The following OTOP1 variants were observed in gnomAD, a reference collection of about 807,000 sequenced individuals.
OTOP1 encodes the protein proton channel OTOP1.
OTOP1 carries 59 observed loss-of-function variants against 52.9 expected under a neutral mutation model. The observed-to-expected ratio is 1.12, with a 90% confidence interval of 0.91 to 1.39. OTOP1 has a LOEUF of 1.39. Ranked by LOEUF, OTOP1 falls within the 40% of genes most tolerant of loss-of-function variation. OTOP1 has a pLI of 0.00. For synonymous variants in OTOP1, 317 were observed against 337.7 expected, an observed-to-expected ratio of 0.94 and a Z score of 0.67; for missense variants, 761 against 800.9, an observed-to-expected ratio of 0.95 and a Z score of 0.60.
intron 1 of OTOP1, among the ~76,000 whole-genome samples, chr4:4,222,508 A>G (rs1436918908): frequency 6.6e-6 from 1 of 152,132 alleles, no homozygotes; most frequent in Non-Finnish European, 1.5e-5. Context: ...TTCCTTTCCA[A>G]TGAAAGCCAA....
intron 3 of OTOP1, among the ~76,000 whole-genome samples, chr4:4,204,712 CTGTGTGTGTGTGTGTGTGTG>C (rs10526016): frequency 2.2e-4 from 33 of 149,700 alleles, no homozygotes; most frequent in African/African-American, 3.2e-4. Context: ...TTTCCTTCAT[CTGTGTGTGTGTGTGTGTGTG>C]TGTGTGTGTG....
intron 1 of OTOP1, among the ~76,000 whole-genome samples, chr4:4,218,539 A>C (rs1431053753): frequency 9.2e-5 from 14 of 152,206 alleles, no homozygotes. Flanking sequence ...TCATCCCATT[A>C]GGTAGAGAGG....
In OTOP1 at chr4:4,198,021, G is replaced by A. The variant is rs140023071; in HGVS notation, c.813C>T (p.Tyr271=). The A allele has an allele frequency of 3.1e-5, 50 of 1,614,112 alleles. No homozygotes were observed. In the Admixed American group the frequency reaches 3.8e-4, roughly 12 times the overall value. ...TAISHGIYYL[Y]PFNIEYQILA... Reference sequence around the variant, plus strand: ...GGATCTGATACTCTATGTTGAAGGGGTAGAGGTAGTAGATCCCGTGGGAGA... The same window carrying A: ...GGATCTGATACTCTATGTTGAAGGGATAGAGGTAGTAGATCCCGTGGGAGA... The change falls in exon 5 of 6, where the codon TAC becomes TAT. Residue 271 remains tyrosine, a synonymous_variant. Coordinates refer to ENST00000296358, the MANE Select transcript of OTOP1 (RefSeq NM_177998.3).
chr4:4,219,961 GTATACATATATACACATA>G (rs1717250404), intron 1 of OTOP1, among the ~76,000 whole-genome samples: 2 of 139,136 alleles, frequency 1.4e-5, no homozygotes, highest in Non-Finnish European at 3.1e-5. Flanking sequence ...ACGTATACAT[GTATACATATATACACATA>G]TATACGTATA....
intron 4 of OTOP1, among the ~76,000 whole-genome samples, chr4:4,201,779 C>G (rs1716794303): frequency 6.6e-6 from 1 of 152,166 alleles, no homozygotes; most frequent in Admixed American, 6.5e-5. Flanking sequence ...TAAATGTCTT[C>G]TAAAGGTCAC....
intron 2 of OTOP1, among the ~76,000 whole-genome samples, chr4:4,208,848 A>C (rs1716966919): frequency 1.3e-5 from 2 of 152,336 alleles, no homozygotes; most frequent in African/African-American, 2.4e-5. Flanking sequence ...AATAGAAATA[A>C]GAATTACAAT....
chr4:4,201,858 A>G (rs1213108884), intron 4 of OTOP1, among the ~76,000 whole-genome samples: 1 of 152,180 alleles, frequency 6.6e-6, no homozygotes. Context: ...CTCAGCCTGA[A>G]TGTTCTCATA....
intron 1 of OTOP1, among the ~76,000 whole-genome samples, chr4:4,214,846 C>T (rs867908727): frequency 2.0e-5 from 3 of 152,032 alleles, no homozygotes; most frequent in African/African-American, 4.8e-5. Flanking sequence ...TTCAGTTTTG[C>T]AAGACGAAAA....
intron 2 of OTOP1, 120 bp from the exon 3 acceptor site, chr4:4,206,250 C>T (rs1376514918): frequency 1.4e-6 from 1 of 734,130 alleles, no homozygotes; most frequent in East Asian, 2.8e-5. Flanking sequence ...CATCAGTGAC[C>T]TCCTACTCCA....
At chr4:4,210,325 T>G (rs1716999141) in intron 2 of OTOP1, among the ~76,000 whole-genome samples, 1 of 152,336 alleles carries the variant, frequency 6.6e-6, no homozygotes, top group Middle Eastern at 3.4e-3. Context: ...CAGTTATCTT[T>G]GATCAGCTTG....
Position 4,226,879 on chromosome 4 carries a change from C to T in OTOP1, c.-15G>A. ...CCCTCGAGCATCTTCGAGACACCCGCGCCAAGTCTGGTCCCGGGGGTGGCT... is the reference window on the plus strand; with the variant it reads ...CCCTCGAGCATCTTCGAGACACCCGTGCCAAGTCTGGTCCCGGGGGTGGCT... On this transcript the variant is annotated 5_prime_UTR_variant, in exon 1 of 6. Coordinates refer to ENST00000296358, the MANE Select transcript of OTOP1 (RefSeq NM_177998.3). 3.8e-6 allele frequency: 5 copies of T among 1,315,196 alleles called. No individual in the cohort carries two copies. Among genetic ancestry groups the T allele is most frequent in the East Asian group, 3.1e-5 (1 of 31,880 alleles). 81.5% of individuals were successfully genotyped at this position (1,315,196 alleles called of 1,614,324 possible). A position where few individuals can be genotyped will look rare whatever the true frequency, so the allele number is the denominator to read the frequency against.
chr4:4,213,406 GA>G (rs1422898733), intron 1 of OTOP1, among the ~76,000 whole-genome samples: 18 of 152,286 alleles, frequency 1.2e-4, no homozygotes, highest in African/African-American at 4.3e-4. Context: ...ACATGAAAAT[GA>G]AAAATTTTTG....
chr4:4,217,500 T>G (rs1028097741), intron 1 of OTOP1, among the ~76,000 whole-genome samples: 1 of 152,328 alleles, frequency 6.6e-6, no homozygotes, highest in East Asian at 1.9e-4. Context: ...CAAAATGTAA[T>G]TTTTTCAACA....
intron 4 of OTOP1, 140 bp downstream of exon 4, chr4:4,202,308 C>T (rs116011843): frequency 9.4e-5 from 107 of 1,139,876 alleles, no homozygotes; most frequent in East Asian, 5.9e-4. Context: ...TCAACAACAG[C>T]GGGCTGTCTG....
Position 4,202,706 on chromosome 4 carries a change from T to A in OTOP1, c.600-128A>T, listed in dbSNP as rs1245364249. 8 of 1,258,316 alleles carry A rather than the reference T, an allele frequency of 6.4e-6. No homozygotes were observed. In the African/African-American group the frequency reaches 1.2e-4, roughly 19 times the overall value. The allele number at this position is 1,258,316 out of a possible 1,614,324, so 77.9% of individuals were successfully genotyped here. On this transcript the variant is annotated intron_variant, in intron 3 of 5. Transcript: ENST00000296358. ...CATGATTCTGGTTTCACCTGGCAGT[T>A]CAGGCTCTGGGTGGGCCCCCTGCCT...
At chr4:4,215,460 G>T (rs936320860) in intron 1 of OTOP1, among the ~76,000 whole-genome samples, 1 of 152,076 alleles carries the variant, frequency 6.6e-6, no homozygotes, top group Non-Finnish European at 1.5e-5. Context: ...TTGGGAGTTC[G>T]AGAGCAGCCT....
intron 4 of OTOP1, 24 bp from the exon 5 acceptor site, chr4:4,198,127 C>T: frequency 6.3e-7 from 1 of 1,580,422 alleles, no homozygotes; most frequent in South Asian, 1.1e-5. Context: ...GTAGATCACA[C>T]AGGAGGGCGA....
chr4:4,213,116 TGA>T, intron 1 of OTOP1, 112 bp from the exon 2 acceptor site: 3 of 1,343,828 alleles, frequency 2.2e-6, no homozygotes, highest in Non-Finnish European at 3.0e-6. Flanking sequence ...TATGGTCAAA[TGA>T]TTTTTCACAA....
chr4:4,188,875 C>T lies in OTOP1; in HGVS notation c.1767G>A (p.Leu589=). The T allele has an allele frequency of 6.2e-7, 1 of 1,613,916 alleles. No individual in the cohort carries two copies. The highest frequency in any genetic ancestry group is 8.5e-7 in the Non-Finnish European group (1 of 1,179,846). Reference sequence around the variant, plus strand: ...GATAGAAAATAGAAAAAGGCATGGCCAGGTTGACCACAATTATCCAGGGTT... The same window carrying T: ...GATAGAAAATAGAAAAAGGCATGGCTAGGTTGACCACAATTATCCAGGGTT... ...GFEPWIIVVN[L]AMPFSIFYRM... Residue 589 remains leucine, a synonymous_variant, in exon 6 of 6, where the codon CTG becomes CTA. Coordinates refer to ENST00000296358, the MANE Select transcript of OTOP1 (RefSeq NM_177998.3).
Sources: allele counts gnomAD v4.1 joint callset (sites outside exome capture counted in the v4.1 genomes callset), GRCh38; gene constraint gnomAD v4.1.1; transcripts MANE v1.5; gene names NCBI Gene and HGNC (gene_info 2026-07-23, HGNC 2026-07-21).